Variants in BBS9 observed in about 807,000 individuals in gnomAD.
The protein encoded by BBS9 is Bardet-Biedl syndrome 9, also known as protein PTHB1.
A neutral mutation model predicts 117.7 loss-of-function variants in BBS9; 89 were observed. The ratio of observed to expected loss-of-function variants is 0.76; its 90% CI spans 0.64 to 0.90. BBS9 has a LOEUF of 0.90. Among genes scored for constraint, BBS9 ranks in the 40% least tolerant of loss-of-function variants. The probability of loss-of-function intolerance (pLI) is 0.00; values close to 1 mark genes in which losing one functional copy is unlikely to be tolerated. For synonymous variants in BBS9, 379 were observed against 370.9 expected (o/e 1.02, Z -0.25); for missense variants, 982 against 1,042.2 (o/e 0.94, Z 0.80).
chr7:33,432,981 A>T (rs1834751735), intron 19 of BBS9, among the ~76,000 whole-genome samples: 1 of 152,284 alleles, frequency 6.6e-6, no homozygotes, highest in South Asian at 2.1e-4. Flanking sequence ...ATATGTGACT[A>T]AGAGAGGGTT....
intron 4 of BBS9, among the ~76,000 whole-genome samples, chr7:33,159,594 G>C (rs1430292456): frequency 6.6e-6 from 1 of 152,180 alleles, no homozygotes; most frequent in Non-Finnish European, 1.5e-5. Flanking sequence ...CTTTTAGTCA[G>C]GTTCTCACAT....
intron 6 of BBS9, among the ~76,000 whole-genome samples, chr7:33,259,558 A>G (rs2128316345): frequency 6.6e-6 from 1 of 151,536 alleles, no homozygotes; most frequent in East Asian, 1.9e-4. Flanking sequence ...TTTTTTTAAT[A>G]GAGACGGGGT....
At chr7:33,135,908 T>G (rs560035911) in intron 1 of BBS9, among the ~76,000 whole-genome samples, 2 of 152,164 alleles carry the variant, frequency 1.3e-5, no homozygotes, top group South Asian at 4.1e-4. Context: ...TTTGTTAAAT[T>G]TATTCCTAAG....
chr7:33,217,258 A>G (rs1407878684), intron 5 of BBS9, among the ~76,000 whole-genome samples: 1 of 151,914 alleles, frequency 6.6e-6, no homozygotes, highest in Non-Finnish European at 1.5e-5. Flanking sequence ...AGAAAATTAG[A>G]TGAAATTTTC....
At chr7:33,587,022 A>C (rs2129171315) in intron 21 of BBS9, among the ~76,000 whole-genome samples, 1 of 152,210 alleles carries the variant, frequency 6.6e-6, no homozygotes, top group Admixed American at 6.6e-5. Context: ...CCAAACCTGA[A>C]CATGTACCCC....
At position 33,558,167 on chromosome 7, in the gene BBS9, A is replaced by G. The variant is rs1585249039; in HGVS notation, c.2521+23991A>G. Among the ~76,000 whole-genome samples, 2 of 152,362 alleles carry G rather than the reference A, an allele frequency of 1.3e-5. 1 individual carries two copies. The highest frequency in any genetic ancestry group is 4.1e-4 in the South Asian group (2 of 4,826). ...TTCTGATACTATATAGCCTGCATAT[A>G]TTATGGGGAACAAAATAGACAAAGT... On this transcript the variant is annotated intron_variant, in intron 21 of 22. Transcript: ENST00000242067.
intron 1 of BBS9, among the ~76,000 whole-genome samples, chr7:33,143,913 A>T (rs1281989787): frequency 7.1e-6 from 1 of 140,526 alleles, no homozygotes; most frequent in Non-Finnish European, 1.6e-5. Context: ...TCTTTTGCCC[A>T]TTTTTTAATG....
Position 33,384,715 on chromosome 7 carries a change from T to TGTGTGAGA in BBS9, c.1962+878_1962+879insTGTGAGAG, listed in dbSNP as rs370625971. ...GCATGTGTCTGTGTGTGTGTGTGTG[T>TGTGTGAGA]GAGAGAGAGAGAGAGAGAGAGAGAG... On this transcript the variant is annotated intron_variant, in intron 18 of 22. Transcript: ENST00000242067. Among the ~76,000 whole-genome samples, 39 of 144,816 alleles carry TGTGTGAGA rather than the reference T, an allele frequency of 2.7e-4. 1 individual carries two copies. The highest frequency in any genetic ancestry group is 7.0e-3 in the Middle Eastern group (2 of 286).
At chr7:33,576,405 G>T (rs1411437724) in intron 21 of BBS9, among the ~76,000 whole-genome samples, 2 of 152,110 alleles carry the variant, frequency 1.3e-5, no homozygotes, top group Admixed American at 1.3e-4. Context: ...CAAAATAAAA[G>T]AGGACATAAA....
At chr7:33,290,399 G>A (rs1041686917) in intron 9 of BBS9, among the ~76,000 whole-genome samples, 1 of 152,052 alleles carries the variant, frequency 6.6e-6, no homozygotes, top group African/African-American at 2.4e-5. Flanking sequence ...AATCACATGG[G>A]GAATAATGGA....
At chr7:33,533,785 G>A (rs1850944872) in intron 20 of BBS9, 169 bp from the exon 21 acceptor site, 1 of 723,760 alleles carries the variant, frequency 1.4e-6, no homozygotes, top group South Asian at 1.7e-5. Flanking sequence ...TCAAACAGGT[G>A]ACAGAGCCAG....
chr7:33,200,199 C>G (rs190090732), intron 5 of BBS9, among the ~76,000 whole-genome samples: 1 of 152,234 alleles, frequency 6.6e-6, no homozygotes, highest in African/African-American at 2.4e-5. Flanking sequence ...CACCTGTGCA[C>G]GTTCAAACAG....
rs564250707 is a variant in BBS9 at position 33,227,705 on chromosome 7, G to T, written c.443-29531G>T. Reference sequence around the variant, plus strand: ...CTCCCACTTATGAGTGACAACATACGATATTTGGTTTTCTATTTCTGAATT... The same window carrying T: ...CTCCCACTTATGAGTGACAACATACTATATTTGGTTTTCTATTTCTGAATT... On this transcript the variant is annotated intron_variant, in intron 5 of 22. Coordinates refer to ENST00000242067, the MANE Select transcript of BBS9 (RefSeq NM_198428.3). 6.6e-4 allele frequency among the ~76,000 whole-genome samples: 100 copies of T among 152,070 alleles called. 1 individual carries two copies. In the South Asian group the frequency reaches 0.019, roughly 29 times the overall value.
At chr7:33,634,892 G>A (rs781761984) in intron 21 of BBS9, among the ~76,000 whole-genome samples, 1 of 152,224 alleles carries the variant, frequency 6.6e-6, no homozygotes, top group Non-Finnish European at 1.5e-5. Flanking sequence ...TTAGTCCGGA[G>A]TGTGGGGTTA....
At chr7:33,629,611 A>G (rs528712010) in intron 21 of BBS9, among the ~76,000 whole-genome samples, 1 of 152,236 alleles carries the variant, frequency 6.6e-6, no homozygotes, top group African/African-American at 2.4e-5. Flanking sequence ...GTTTGGTATG[A>G]TGCTTGACAC....
chr7:33,616,923 C>T (rs1865167358), intron 21 of BBS9, among the ~76,000 whole-genome samples: 1 of 151,898 alleles, frequency 6.6e-6, no homozygotes, highest in African/African-American at 2.4e-5. Flanking sequence ...CATGTGTACA[C>T]ATATTTGGCT....
At chr7:33,422,087 G>A (rs1005868894) in intron 19 of BBS9, among the ~76,000 whole-genome samples, 2 of 151,968 alleles carry the variant, frequency 1.3e-5, no homozygotes, top group Non-Finnish European at 2.9e-5. Flanking sequence ...TTTAAATTGG[G>A]TCATAAGGTA....
intron 21 of BBS9, among the ~76,000 whole-genome samples, chr7:33,590,749 A>G (rs1364600375): frequency 6.6e-6 from 1 of 151,918 alleles, no homozygotes; most frequent in Non-Finnish European, 1.5e-5. Context: ...CTTTACATCC[A>G]TTTACTCACT....
chr7:33,204,706 A>G (rs1337655215), intron 5 of BBS9, among the ~76,000 whole-genome samples: 1 of 152,166 alleles, frequency 6.6e-6, no homozygotes, highest in Non-Finnish European at 1.5e-5. Flanking sequence ...CCATATTCCC[A>G]TTTGAAACCA....
Sources: allele counts gnomAD v4.1 joint callset (sites outside exome capture counted in the v4.1 genomes callset), GRCh38; gene constraint gnomAD v4.1.1; transcripts MANE v1.5; gene names NCBI Gene and HGNC (gene_info 2026-07-23, HGNC 2026-07-21).